The following PCCA variants were observed in gnomAD, a reference collection of about 807,000 sequenced individuals.
The protein encoded by PCCA is propionyl-CoA carboxylase alpha chain, mitochondrial.
PCCA carries 74 observed loss-of-function variants against 101.3 expected under a neutral mutation model. The observed-to-expected ratio is 0.73, with a 90% confidence interval of 0.61 to 0.89. The LOEUF is 0.89. PCCA is among the 40% of genes least tolerant of loss of function. The pLI, the probability that PCCA is intolerant of heterozygous loss-of-function variation, is 0.00. For synonymous variants in PCCA, 294 were observed against 313.6 expected (o/e 0.94, Z 0.66); for missense variants, 891 against 907.0 (o/e 0.98, Z 0.23).
chr13:100,371,292 C>G (rs868768696), intron 19 of PCCA, among the ~76,000 whole-genome samples: 1 of 152,044 alleles, frequency 6.6e-6, no homozygotes, highest in Non-Finnish European at 1.5e-5. Flanking sequence ...AAATTTTAGG[C>G]AAAGCAATTT....
At chr13:100,182,098 C>CTTT (rs558498604) in intron 6 of PCCA, among the ~76,000 whole-genome samples, 21 of 105,452 alleles carry the variant, frequency 2.0e-4, no homozygotes, top group East Asian at 5.5e-4. Flanking sequence ...TTTTCTTTTT[C>CTTT]TTTTTTTTTT....
chr13:100,162,902 A>G lies in PCCA; in HGVS notation c.468+5562A>G, dbSNP rs139083470. Among the ~76,000 whole-genome samples, 199 of 152,320 alleles carry G rather than the reference A, an allele frequency of 1.3e-3. 1 individual carries two copies. The highest frequency in any genetic ancestry group is 4.6e-3 in the African/African-American group (192 of 41,584). ...TGTGACTTGTACATATGTGATGTTCAAAAGAATTGATAAGAACTAATGAAT... is the reference window on the plus strand; with the variant it reads ...TGTGACTTGTACATATGTGATGTTCGAAAGAATTGATAAGAACTAATGAAT... On this transcript the variant is annotated intron_variant, in intron 6 of 23. Coordinates refer to ENST00000376285, the MANE Select transcript of PCCA (RefSeq NM_000282.4).
chr13:100,468,572 T>C (rs1204347961), intron 21 of PCCA, among the ~76,000 whole-genome samples: 1 of 152,244 alleles, frequency 6.6e-6, no homozygotes, highest in Non-Finnish European at 1.5e-5. Flanking sequence ...AGATAGTTTC[T>C]TTAAACCTCA....
chr13:100,475,472 G>A (rs1161305218), intron 21 of PCCA, among the ~76,000 whole-genome samples: 3 of 152,196 alleles, frequency 2.0e-5, no homozygotes, highest in Non-Finnish European at 4.4e-5. Flanking sequence ...TGTAGCACAT[G>A]CCAGTACATC....
chr13:100,165,864 A>G (rs1198100152), intron 6 of PCCA, among the ~76,000 whole-genome samples: 3 of 152,162 alleles, frequency 2.0e-5, no homozygotes, highest in Non-Finnish European at 4.4e-5. Flanking sequence ...AGCCTGGGTG[A>G]CAGAGCAAGA....
chr13:100,510,910 G>A (rs1169890455), intron 21 of PCCA, among the ~76,000 whole-genome samples: 1 of 152,228 alleles, frequency 6.6e-6, no homozygotes, highest in Admixed American at 6.5e-5. Flanking sequence ...GTCCATGTCC[G>A]CTCCTTTGCC....
chr13:100,463,295 G>C (rs1367423944), intron 21 of PCCA, among the ~76,000 whole-genome samples: 1 of 147,842 alleles, frequency 6.8e-6, no homozygotes. Context: ...GTTGAAAGAA[G>C]AATCATAATC....
intron 19 of PCCA, among the ~76,000 whole-genome samples, chr13:100,406,374 G>T (rs1205490760): frequency 6.6e-6 from 1 of 152,168 alleles, no homozygotes; most frequent in Non-Finnish European, 1.5e-5. Flanking sequence ...CTTCATCACA[G>T]TAGTGTATAC....
At chr13:100,505,639 C>T (rs368380880) in intron 21 of PCCA, among the ~76,000 whole-genome samples, 4 of 152,144 alleles carry the variant, frequency 2.6e-5, no homozygotes, top group Non-Finnish European at 5.9e-5. Flanking sequence ...CTGGGGCGGG[C>T]GGATCCCTTG....
intron 6 of PCCA, among the ~76,000 whole-genome samples, chr13:100,205,082 AT>A (rs1262125801): frequency 6.6e-6 from 1 of 152,202 alleles, no homozygotes; most frequent in East Asian, 1.9e-4. Flanking sequence ...TAAAAAGCAT[AT>A]TTTTGGAAAC....
intron 10 of PCCA, among the ~76,000 whole-genome samples, chr13:100,267,884 G>C (rs2063051368): frequency 6.6e-6 from 1 of 152,120 alleles, no homozygotes; most frequent in Non-Finnish European, 1.5e-5. Flanking sequence ...AATGTAGCTG[G>C]ATATCTTGTA....
intron 16 of PCCA, among the ~76,000 whole-genome samples, chr13:100,312,819 C>G (rs989988928): frequency 6.6e-6 from 1 of 152,218 alleles, no homozygotes. Flanking sequence ...AGTACATTCT[C>G]ATATCACTTG....
At chr13:100,209,064 T>C (rs2059044622) in intron 6 of PCCA, among the ~76,000 whole-genome samples, 1 of 152,120 alleles carries the variant, frequency 6.6e-6, no homozygotes, top group African/African-American at 2.4e-5. Flanking sequence ...AAATACAGTG[T>C]CATAGAGTGA....
chr13:100,455,518 G>A (rs897883468), intron 21 of PCCA, among the ~76,000 whole-genome samples: 8 of 152,074 alleles, frequency 5.3e-5, no homozygotes, highest in Non-Finnish European at 1.2e-4. Context: ...TGTGAGACTC[G>A]TATGTTGCAT....
At chr13:100,266,416 G>A (rs17612953) in intron 10 of PCCA, among the ~76,000 whole-genome samples, 2,131 of 152,186 alleles carry the variant, frequency 0.014, 99 homozygotes, top group East Asian at 0.12. Context: ...CAGTTAATAG[G>A]CCACACAGAT....
chr13:100,368,807 T>G (rs1291219452), intron 19 of PCCA, among the ~76,000 whole-genome samples: 2 of 152,232 alleles, frequency 1.3e-5, no homozygotes, highest in Non-Finnish European at 2.9e-5. Flanking sequence ...ACTTGATTCA[T>G]TTTTCTTTTA....
intron 10 of PCCA, among the ~76,000 whole-genome samples, chr13:100,263,453 T>C (rs1275317249): frequency 6.6e-6 from 1 of 152,154 alleles, no homozygotes; most frequent in Admixed American, 6.6e-5. Context: ...TAAATCTTAA[T>C]TTGGTGTGGA....
chr13:100,510,276 G>A (rs1056590855), intron 21 of PCCA, among the ~76,000 whole-genome samples: 14 of 151,968 alleles, frequency 9.2e-5, no homozygotes, highest in South Asian at 2.1e-4. Context: ...TTGCTTTCTC[G>A]CCTGTGGCTA....
At chr13:100,181,683 G>C (rs1205297671) in intron 6 of PCCA, among the ~76,000 whole-genome samples, 1 of 148,196 alleles carries the variant, frequency 6.7e-6, no homozygotes, top group South Asian at 2.2e-4. Context: ...TTGATTCCTT[G>C]TATAACTGCC....
Sources: gnomAD v4.1 joint callset for allele counts (sites outside exome capture counted in the v4.1 genomes callset) on GRCh38, gnomAD v4.1.1 for gene constraint, MANE v1.5 for transcripts, NCBI Gene and HGNC (gene_info 2026-07-23, HGNC 2026-07-21) for gene names.